Variants in GTF2IRD1 observed in about 807,000 individuals in gnomAD.
GTF2IRD1 encodes general transcription factor II-I repeat domain-containing protein 1.
In GTF2IRD1, 26 loss-of-function variants were observed where a neutral mutation model predicts 113.2. That is an observed-to-expected ratio of 0.23 (90% CI 0.17 to 0.32). The LOEUF (loss-of-function observed/expected upper bound fraction) is 0.32, where lower values mean the gene tolerates loss of function less well. Among genes scored for constraint, GTF2IRD1 ranks in the 10% least tolerant of loss-of-function variants. The pLI, the probability that GTF2IRD1 is intolerant of heterozygous loss-of-function variation, is 1.00. For synonymous variants in GTF2IRD1, 484 were observed against 529.1 expected (o/e 0.91, Z 1.17); for missense variants, 864 against 1,280.8 (o/e 0.67, Z 4.97).
chr7:74,476,895 G>C (rs1554333643), intron 1 of GTF2IRD1, among the ~76,000 whole-genome samples: 1 of 152,166 alleles, frequency 6.6e-6, no homozygotes, highest in African/African-American at 2.4e-5. Context: ...CCCGTTCAGG[G>C]ACTGGGTCCT....
At chr7:74,578,140 G>A (rs1732174405) in intron 22 of GTF2IRD1, among the ~76,000 whole-genome samples, 1 of 152,050 alleles carries the variant, frequency 6.6e-6, no homozygotes, top group South Asian at 2.1e-4. Flanking sequence ...TTTATTGCAT[G>A]TAATGTTTGC....
intron 25 of GTF2IRD1, among the ~76,000 whole-genome samples, chr7:74,595,651 G>A (rs1221524240): frequency 1.3e-5 from 2 of 152,212 alleles, no homozygotes; most frequent in South Asian, 2.1e-4. Context: ...CCTCCCCAGG[G>A]AGCCTGAGGT....
chr7:74,520,122 A>C (rs1797191396), intron 6 of GTF2IRD1, among the ~76,000 whole-genome samples: 1 of 142,326 alleles, frequency 7.0e-6, no homozygotes, highest in Admixed American at 7.1e-5. Flanking sequence ...AAAAAAAAGC[A>C]CCAGCGATAT....
At chr7:74,520,089 C>CAAAAA (rs61019711) in intron 6 of GTF2IRD1, among the ~76,000 whole-genome samples, 3 of 24,586 alleles carry the variant, frequency 1.2e-4, no homozygotes, top group African/African-American at 1.4e-4. Flanking sequence ...AGCTCTGTCT[C>CAAAAA]AAAAAAAAAA....
At chr7:74,485,542 A>G (rs1794973171) in intron 1 of GTF2IRD1, among the ~76,000 whole-genome samples, 1 of 152,012 alleles carries the variant, frequency 6.6e-6, no homozygotes, top group Non-Finnish European at 1.5e-5. Context: ...GTGTGAACCC[A>G]GGAGGCGGAG....
At chr7:74,527,047 G>T (rs1797641566) in intron 8 of GTF2IRD1, among the ~76,000 whole-genome samples, 1 of 152,136 alleles carries the variant, frequency 6.6e-6, no homozygotes. Flanking sequence ...GGCCAGAGAA[G>T]CAGGGCTAGG....
At chr7:74,534,581 G>T (rs1180664271) in intron 9 of GTF2IRD1, among the ~76,000 whole-genome samples, 1 of 151,940 alleles carries the variant, frequency 6.6e-6, no homozygotes, top group Non-Finnish European at 1.5e-5. Flanking sequence ...AACCAAAAAC[G>T]CCAGTCATGG....
chr7:74,464,503 G>C (rs1554330342), intron 1 of GTF2IRD1, among the ~76,000 whole-genome samples: 1 of 152,124 alleles, frequency 6.6e-6, no homozygotes, highest in Non-Finnish European at 1.5e-5. Context: ...CTGGAGTGTA[G>C]TGGTGTGATC....
rs1281315346 is a variant in GTF2IRD1, at chr7:74,515,746, C to T, written c.421+150C>T. On this transcript the variant is annotated intron_variant, in intron 4 of 26. Coordinates refer to ENST00000424337, the MANE Select transcript of GTF2IRD1 (RefSeq NM_005685.4). ...GGGCTACTGGCTACCCCAGCCCTTC[C>T]TCATCTCTGCATTCCCAGACACAGA... The T allele has an allele frequency of 1.1e-5, 7 of 648,704 alleles. No homozygotes were observed. The South Asian group carries it at 1.2e-4, about 11-fold the overall frequency. The allele number at this position is 648,704 out of a possible 1,614,324, so 40.2% of individuals were successfully genotyped here.
At chr7:74,454,816 T>C (rs1474253576) in intron 1 of GTF2IRD1, among the ~76,000 whole-genome samples, 1 of 151,958 alleles carries the variant, frequency 6.6e-6, no homozygotes, top group Non-Finnish European at 1.5e-5. Flanking sequence ...GAGGAGTAAG[T>C]TGGGGATACT....
chr7:74,589,794 C>G, intron 22 of GTF2IRD1, 57 bp from the exon 23 acceptor site: 1 of 1,030,266 alleles, frequency 9.7e-7, no homozygotes, highest in African/African-American at 1.6e-5. Flanking sequence ...GGAGAAGCAG[C>G]AGGTCCAGTG....
chr7:74,543,806 C>T (rs185535076), intron 14 of GTF2IRD1, among the ~76,000 whole-genome samples: 1,785 of 123,536 alleles, frequency 0.014, 16 homozygotes, highest in African/African-American at 0.042. Flanking sequence ...GAGACTGAGG[C>T]GGGTGGATCG....
At chr7:74,569,198 G>A (rs1800534790) in intron 22 of GTF2IRD1, among the ~76,000 whole-genome samples, 1 of 152,184 alleles carries the variant, frequency 6.6e-6, no homozygotes, top group Non-Finnish European at 1.5e-5. Flanking sequence ...CTAGGCCAGG[G>A]GCCAGTCCCT....
At chr7:74,564,115 C>T (rs754518933) in intron 22 of GTF2IRD1, among the ~76,000 whole-genome samples, 1 of 152,136 alleles carries the variant, frequency 6.6e-6, no homozygotes. Flanking sequence ...CAACCTCCAC[C>T]TCCCGAGTTC....
At chr7:74,570,190 T>C (rs1800612141) in intron 22 of GTF2IRD1, among the ~76,000 whole-genome samples, 1 of 151,892 alleles carries the variant, frequency 6.6e-6, no homozygotes, top group African/African-American at 2.4e-5. Context: ...GGTGAGACCC[T>C]GTCTCCACCA....
Position 74,550,817 on chromosome 7 carries a change from C to T in GTF2IRD1, c.1916+3531C>T, listed in dbSNP as rs587716869. On this transcript the variant is annotated intron_variant, in intron 17 of 26. Coordinates refer to ENST00000424337, the MANE Select transcript of GTF2IRD1 (RefSeq NM_005685.4). ...GACAAAACAGGAGGGTCGCTTGAGGCCAGGAGTTCGAGACCAGTCTGGTCA... is the reference window on the plus strand; with the variant it reads ...GACAAAACAGGAGGGTCGCTTGAGGTCAGGAGTTCGAGACCAGTCTGGTCA... Among the ~76,000 whole-genome samples, 7 of 150,788 alleles carry T rather than the reference C, an allele frequency of 4.6e-5. No homozygotes were observed. The South Asian group carries it at 1.5e-3, about 32-fold the overall frequency.
chr7:74,585,889 A>G lies in GTF2IRD1; in HGVS notation c.2321-3962A>G, dbSNP rs1801689729. Reference sequence around the variant, plus strand: ...GTGACAGAGCAAGACTCTTCCAAAAAAAAAAAGAAAAAGAAAGAAACTGTA... The same window carrying G: ...GTGACAGAGCAAGACTCTTCCAAAAGAAAAAAGAAAAAGAAAGAAACTGTA... On this transcript the variant is annotated intron_variant, in intron 22 of 26. Transcript: ENST00000424337. 2.6e-5 allele frequency among the ~76,000 whole-genome samples: 4 copies of G among 152,012 alleles called. No individual in the cohort carries two copies. In the South Asian group the frequency reaches 8.3e-4, roughly 32 times the overall value.
At chr7:74,475,811 CCACCCGTCTGATGCGTAGT>C (rs1794366960) in intron 1 of GTF2IRD1, among the ~76,000 whole-genome samples, 1 of 152,204 alleles carries the variant, frequency 6.6e-6, no homozygotes, top group African/African-American at 2.4e-5. Context: ...TTAACGTGAG[CCACCCGTCTGATGCGTAGT>C]CACCCGCCGG....
chr7:74,575,114 C>T (rs1225366745), intron 22 of GTF2IRD1, among the ~76,000 whole-genome samples: 1 of 151,950 alleles, frequency 6.6e-6, no homozygotes, highest in East Asian at 1.9e-4. Flanking sequence ...ACAAAAAAAA[C>T]CCAGCCTCAC....
Sources: gnomAD v4.1 joint callset for allele counts (sites outside exome capture counted in the v4.1 genomes callset) on GRCh38, gnomAD v4.1.1 for gene constraint, MANE v1.5 for transcripts, NCBI Gene and HGNC (gene_info 2026-07-23, HGNC 2026-07-21) for gene names.